The following PDE4D variants were observed in gnomAD, a reference collection of about 807,000 sequenced individuals.
The protein encoded by PDE4D is phosphodiesterase 4D.
In PDE4D, 24 loss-of-function variants were observed where a neutral mutation model predicts 87.4. That is an observed-to-expected ratio of 0.27 (90% confidence interval 0.20 to 0.39). The LOEUF (loss-of-function observed/expected upper bound fraction) is 0.39, where lower values mean the gene tolerates loss of function less well. Ranked by LOEUF, PDE4D falls within the 10% of genes least tolerant of loss-of-function variation. The pLI, the probability that PDE4D is intolerant of heterozygous loss-of-function variation, is 1.00. For synonymous variants in PDE4D, 384 were observed against 383.2 expected (o/e 1.00, Z -0.02); for missense variants, 714 against 1,041.0 (o/e 0.69, Z 4.32).
chr5:59,300,942 T>C (rs557490731), intron 1 of PDE4D, among the ~76,000 whole-genome samples: 1 of 152,286 alleles, frequency 6.6e-6, no homozygotes, highest in South Asian at 2.1e-4. Context: ...TTATGTTTGC[T>C]AGTTTATTAT....
intron 1 of PDE4D, among the ~76,000 whole-genome samples, chr5:59,787,874 A>G (rs958297763): frequency 3.3e-5 from 5 of 152,198 alleles, no homozygotes; most frequent in African/African-American, 1.2e-4. Flanking sequence ...CTAAAATCTG[A>G]TTTGATGGTT....
At chr5:59,167,345 G>C (rs1782066913) in intron 5 of PDE4D, among the ~76,000 whole-genome samples, 5 of 152,000 alleles carry the variant, frequency 3.3e-5, no homozygotes, top group Admixed American at 2.6e-4. Context: ...TAAAACCTAG[G>C]TCTGTCTCTG....
At chr5:59,710,089 T>C (rs922710461) in intron 1 of PDE4D, among the ~76,000 whole-genome samples, 4 of 152,156 alleles carry the variant, frequency 2.6e-5, no homozygotes, top group Admixed American at 6.6e-5. Context: ...CATCTGAATA[T>C]GCTACAAGGA....
chr5:59,660,571 C>A (rs1406719257), intron 1 of PDE4D, among the ~76,000 whole-genome samples: 1 of 152,052 alleles, frequency 6.6e-6, no homozygotes, highest in East Asian at 1.9e-4. Flanking sequence ...TGTGCTTTTG[C>A]CTTTTAAAGA....
chr5:59,611,927 A>C (rs995670982), intron 1 of PDE4D, among the ~76,000 whole-genome samples: 1 of 152,180 alleles, frequency 6.6e-6, no homozygotes, highest in Non-Finnish European at 1.5e-5. Context: ...AGAATGTGCA[A>C]TGAGCCACCG....
At chr5:60,063,150 GAAAGAAGGAAA>G in intron 2 of PDE4D, among the ~76,000 whole-genome samples, 1 of 146,284 alleles carries the variant, frequency 6.8e-6, no homozygotes, top group African/African-American at 2.5e-5. Flanking sequence ...AAGAAAGAAA[GAAAGAAGGAAA>G]GAAAGAAAGA....
chr5:59,639,337 C>T (rs77285661), intron 1 of PDE4D, among the ~76,000 whole-genome samples: 2,770 of 152,130 alleles, frequency 0.018, 83 homozygotes, highest in African/African-American at 0.062. Context: ...AAGAGAAAAT[C>T]TTCTGTTTTG....
intron 2 of PDE4D, among the ~76,000 whole-genome samples, chr5:60,033,202 T>C (rs1034692403): frequency 2.6e-5 from 4 of 152,158 alleles, no homozygotes; most frequent in African/African-American, 9.7e-5. Context: ...AAATTTTCCT[T>C]GAGAAACGAG....
intron 1 of PDE4D, among the ~76,000 whole-genome samples, chr5:59,400,971 A>G (rs1180513768): frequency 6.6e-6 from 1 of 152,202 alleles, no homozygotes; most frequent in African/African-American, 2.4e-5. Flanking sequence ...AAAATTCAAG[A>G]TGCTCTGAAA....
chr5:59,324,596 G>A (rs900357939), intron 1 of PDE4D, among the ~76,000 whole-genome samples: 2 of 152,110 alleles, frequency 1.3e-5, no homozygotes, highest in South Asian at 2.1e-4. Flanking sequence ...ACTGGCCATA[G>A]TTATCTGCAT....
intron 6 of PDE4D, among the ~76,000 whole-genome samples, chr5:59,020,481 A>T (rs1242755901): frequency 2.0e-5 from 2 of 100,178 alleles, no homozygotes; most frequent in East Asian, 2.3e-4. Flanking sequence ...TCAGAAAATT[A>T]AAAAAAAAAA....
At chr5:60,414,855 C>T (rs765829172) in intron 1 of PDE4D, among the ~76,000 whole-genome samples, 26 of 152,120 alleles carry the variant, frequency 1.7e-4, no homozygotes, top group Non-Finnish European at 3.2e-4. Flanking sequence ...ATCCCCAAAC[C>T]AAGAAGCACC....
intron 1 of PDE4D, among the ~76,000 whole-genome samples, chr5:60,464,502 A>C (rs1284622376): frequency 6.6e-6 from 1 of 152,134 alleles, no homozygotes. Context: ...AAGTTAAAAA[A>C]ACTCTACTCC....
intron 1 of PDE4D, among the ~76,000 whole-genome samples, chr5:59,741,697 C>G (rs974324587): frequency 1.3e-5 from 2 of 152,126 alleles, no homozygotes; most frequent in Non-Finnish European, 2.9e-5. Context: ...ATTTACATAT[C>G]TAGGTTCTTC....
intron 1 of PDE4D, among the ~76,000 whole-genome samples, chr5:59,648,366 C>T (rs1742820773): frequency 6.6e-6 from 1 of 152,112 alleles, no homozygotes; most frequent in Non-Finnish European, 1.5e-5. Flanking sequence ...GATTGAAAAA[C>T]AAGGCCTTTT....
intron 2 of PDE4D, among the ~76,000 whole-genome samples, chr5:60,112,136 C>T (rs1287546508): frequency 6.6e-6 from 1 of 152,006 alleles, no homozygotes; most frequent in Non-Finnish European, 1.5e-5. Context: ...TCAATCAATC[C>T]AGCTGCCTCA....
At chr5:59,456,363 T>G (rs1398032873) in intron 1 of PDE4D, among the ~76,000 whole-genome samples, 1 of 152,180 alleles carries the variant, frequency 6.6e-6, no homozygotes, top group Non-Finnish European at 1.5e-5. Context: ...GCACAAGCTC[T>G]CTCTTTGCTT....
At chr5:60,325,591 T>A (rs908430571) in intron 1 of PDE4D, among the ~76,000 whole-genome samples, 5 of 152,196 alleles carry the variant, frequency 3.3e-5, no homozygotes, top group African/African-American at 1.2e-4. Flanking sequence ...TCCCTGACTC[T>A]CTTGTACTTT....
At chr5:60,211,819 AC>A (rs1743260013) in intron 1 of PDE4D, among the ~76,000 whole-genome samples, 1 of 152,128 alleles carries the variant, frequency 6.6e-6, no homozygotes, top group Non-Finnish European at 1.5e-5. Context: ...GTAGCAAATC[AC>A]CCACCTGAAG....
Sources: allele counts gnomAD v4.1 joint callset (sites outside exome capture counted in the v4.1 genomes callset), GRCh38; gene constraint gnomAD v4.1.1; transcripts MANE v1.5; gene names NCBI Gene and HGNC (gene_info 2026-07-23, HGNC 2026-07-21).